Variants in TPH2 observed in about 807,000 individuals in gnomAD.
TPH2 encodes the protein tryptophan hydroxylase 2.
Under a neutral mutation model 59.1 loss-of-function variants are expected in TPH2, and 27 were observed. That is an observed-to-expected ratio of 0.46 (90% confidence interval 0.34 to 0.63). The LOEUF (loss-of-function observed/expected upper bound fraction) is 0.63. TPH2 is among the 30% of genes least tolerant of loss of function. The pLI is 0.01. For missense variants in TPH2, 523 were observed against 588.3 expected, an observed-to-expected ratio of 0.89 and a Z score of 1.15; for synonymous variants, 220 against 210.5, an observed-to-expected ratio of 1.05 and a Z score of -0.39.
chr12:71,951,262 T>C (rs903585550), intron 5 of TPH2, among the ~76,000 whole-genome samples: 1 of 152,152 alleles, frequency 6.6e-6, no homozygotes, highest in Non-Finnish European at 1.5e-5. Flanking sequence ...TGATGATGGT[T>C]GTGAGCCTTA....
intron 9 of TPH2, among the ~76,000 whole-genome samples, chr12:72,026,119 C>T (rs1873561091): frequency 6.6e-6 from 1 of 152,038 alleles, no homozygotes; most frequent in South Asian, 2.1e-4. Flanking sequence ...GTTAACCCAT[C>T]TCAAAAGCAA....
chr12:71,997,904 T>C lies in TPH2; in HGVS notation c.1068+3339T>C, dbSNP rs142995993. Among the ~76,000 whole-genome samples, 135 of 152,258 alleles carry C rather than the reference T, an allele frequency of 8.9e-4. 4 individuals are homozygous for C. The East Asian group carries it at 0.014, about 16-fold the overall frequency. On this transcript the variant is annotated intron_variant, in intron 8 of 10. Coordinates refer to ENST00000333850, the MANE Select transcript of TPH2 (RefSeq NM_173353.4). ...AATGGATTTAGCTGAACATTCACCA[T>C]GTGTGAGTGAGTTCTGAGTTCAGTG... is the stretch of plus-strand genomic sequence containing the variant.
intron 7 of TPH2, among the ~76,000 whole-genome samples, chr12:71,982,013 G>GTGTTTTTTTTTTTTTTTTTTT (rs1468983565): frequency 3.6e-5 from 2 of 55,672 alleles, no homozygotes; most frequent in African/African-American, 1.3e-4. Flanking sequence ...CATATCATTC[G>GTGTTTTTTTTTTTTTTTTTTT]TATTTTTTTT....
At chr12:72,005,191 GA>G (rs1299915884) in intron 8 of TPH2, among the ~76,000 whole-genome samples, 1 of 152,082 alleles carries the variant, frequency 6.6e-6, no homozygotes, top group East Asian at 1.9e-4. Context: ...TTAGGTTTGG[GA>G]GGAGTAAATC....
Position 71,944,809 on chromosome 12 carries a change from A to T in TPH2, c.540+123A>T, listed in dbSNP as rs1369274263. ...AACAATTTATTATTTATTCCCCATAACTGAGAGCAGACTTCCAAATGATAA... is the reference window on the plus strand; with the variant it reads ...AACAATTTATTATTTATTCCCCATATCTGAGAGCAGACTTCCAAATGATAA... On this transcript the variant is annotated intron_variant, in intron 4 of 10. Coordinates refer to ENST00000333850, the MANE Select transcript of TPH2 (RefSeq NM_173353.4). The T allele has an allele frequency of 4.2e-6, 4 of 941,586 alleles. No homozygotes were observed. The East Asian group carries it at 1.0e-4, about 24-fold the overall frequency. 58.3% of individuals were successfully genotyped at this position (941,586 alleles called of 1,614,324 possible). A position where few individuals can be genotyped will look rare whatever the true frequency, so the allele number is the denominator to read the frequency against.
chr12:72,011,068 C>CTG (rs150070839), intron 8 of TPH2, among the ~76,000 whole-genome samples: 12 of 151,954 alleles, frequency 7.9e-5, no homozygotes, highest in Non-Finnish European at 1.6e-4. Flanking sequence ...TGATGTGTAC[C>CTG]TGTGTGTGTG....
At chr12:71,942,273 T>C (rs139796259) in intron 2 of TPH2, among the ~76,000 whole-genome samples, 3 of 152,140 alleles carry the variant, frequency 2.0e-5, no homozygotes, top group Admixed American at 2.0e-4. Flanking sequence ...CTTATAGAAA[T>C]GTTCATAGCA....
intron 8 of TPH2, among the ~76,000 whole-genome samples, chr12:72,005,488 G>T (rs1052453330): frequency 2.6e-5 from 4 of 152,052 alleles, no homozygotes; most frequent in African/African-American, 9.7e-5. Context: ...TAACATTTTG[G>T]CATATAGTCT....
chr12:71,968,106 T>A (rs1216972681), intron 5 of TPH2, among the ~76,000 whole-genome samples: 1 of 152,086 alleles, frequency 6.6e-6, no homozygotes, highest in Non-Finnish European at 1.5e-5. Flanking sequence ...GGTGAGTAGG[T>A]CTCAGGCCAC....
chr12:71,996,170 G>A lies in TPH2; in HGVS notation c.1068+1605G>A, dbSNP rs558880172. Among the ~76,000 whole-genome samples, 6 of 152,322 alleles carry A rather than the reference G, an allele frequency of 3.9e-5. No homozygotes were observed. The South Asian group carries it at 1.0e-3, about 26-fold the overall frequency. ...GGCTTCCAAAATGGCTCACTCATGT[G>A]GCTATTGGCAGGAGGCCTCGGTTCC... On this transcript the variant is annotated intron_variant, in intron 8 of 10. Transcript: ENST00000333850.
At position 71,990,987 on chromosome 12, in the gene TPH2, AT is replaced by A. The variant is rs1426500429; in HGVS notation, c.942-3445del. Among the ~76,000 whole-genome samples the A allele has an allele frequency of 7.2e-5, 11 of 152,204 alleles. No individual in the cohort carries two copies. In the South Asian group the frequency reaches 8.3e-4, roughly 11 times the overall value. Reference sequence around the variant, plus strand: ...ATAACTTACTCTGCTGTATTGTATGATTTTTTTCTTCCAAATTTATAATTTC... The same window carrying A: ...ATAACTTACTCTGCTGTATTGTATGATTTTTTCTTCCAAATTTATAATTTC... On this transcript the variant is annotated intron_variant, in intron 7 of 10. Transcript: ENST00000333850.
intron 8 of TPH2, 85 bp downstream of exon 8, chr12:71,994,650 A>G: frequency 2.6e-6 from 4 of 1,532,636 alleles, no homozygotes; most frequent in Non-Finnish European, 3.6e-6. Flanking sequence ...ACTATGAGTT[A>G]TAGGTAAATG....
intron 8 of TPH2, among the ~76,000 whole-genome samples, chr12:72,017,385 T>C (rs537417420): frequency 8.5e-5 from 13 of 152,364 alleles, no homozygotes; most frequent in African/African-American, 2.4e-4. Flanking sequence ...TGTAAATGCC[T>C]CTGCTATTCT....
At chr12:71,987,882 G>C (rs2139216525) in intron 7 of TPH2, among the ~76,000 whole-genome samples, 1 of 151,986 alleles carries the variant, frequency 6.6e-6, no homozygotes, top group South Asian at 2.1e-4. Flanking sequence ...TAAGAGAGAA[G>C]AAATCTTACA....
chr12:71,942,941 G>A (rs1871112502), intron 2 of TPH2, among the ~76,000 whole-genome samples: 1 of 152,160 alleles, frequency 6.6e-6, no homozygotes, highest in Non-Finnish European at 1.5e-5. Flanking sequence ...TCCTGGAGAA[G>A]GAGTTAGCAG....
Position 72,031,876 on chromosome 12 carries a change from G to A in TPH2, c.*181G>A. 2.9e-6 allele frequency: 2 copies of A among 684,002 alleles called. No homozygotes were observed. The highest frequency in any genetic ancestry group is 3.4e-5 in the South Asian group (2 of 59,334). The allele number at this position is 684,002 out of a possible 1,614,324, so 42.4% of individuals were successfully genotyped here. A position where few individuals can be genotyped will look rare whatever the true frequency, so the allele number is the denominator to read the frequency against. On this transcript the variant is annotated 3_prime_UTR_variant, in exon 11 of 11. Coordinates refer to ENST00000333850, the MANE Select transcript of TPH2 (RefSeq NM_173353.4). ...TATAAAGCACCATAAGAAATCCAAT[G>A]GCAGATAACCACTCATTGTATGAAA...
At chr12:71,992,102 G>A (rs1872589374) in intron 7 of TPH2, among the ~76,000 whole-genome samples, 1 of 152,184 alleles carries the variant, frequency 6.6e-6, no homozygotes, top group African/African-American at 2.4e-5. Flanking sequence ...GCACTGGGTT[G>A]GAGGAAAAGA....
chr12:72,019,702 G>A (rs895292266), intron 8 of TPH2, among the ~76,000 whole-genome samples: 3 of 152,158 alleles, frequency 2.0e-5, no homozygotes, highest in Non-Finnish European at 2.9e-5. Flanking sequence ...TAGCATATAT[G>A]CTTCATGGGA....
intron 5 of TPH2, among the ~76,000 whole-genome samples, chr12:71,958,377 A>G (rs1486755186): frequency 6.6e-6 from 1 of 152,194 alleles, no homozygotes; most frequent in Non-Finnish European, 1.5e-5. Context: ...CACTTGACAT[A>G]GGTGGTTTCA....
Sources: gnomAD v4.1 joint callset for allele counts (sites outside exome capture counted in the v4.1 genomes callset) on GRCh38, gnomAD v4.1.1 for gene constraint, MANE v1.5 for transcripts, NCBI Gene and HGNC (gene_info 2026-07-23, HGNC 2026-07-21) for gene names.